NOXRED1: variants seen among roughly 807,000 people sequenced by gnomAD.
NOXRED1 encodes NADP-dependent oxidoreductase domain-containing protein 1.
Under a neutral mutation model 30.4 loss-of-function variants are expected in NOXRED1, and 20 were observed. That is an observed-to-expected ratio of 0.66 (90% CI 0.46 to 0.96). The LOEUF is 0.96. Among genes scored for constraint, NOXRED1 ranks in the 40% least tolerant of loss-of-function variants. The probability of loss-of-function intolerance (pLI) is 0.00; values close to 1 mark genes in which losing one functional copy is unlikely to be tolerated. For missense variants in NOXRED1, 374 were observed against 428.0 expected, an observed-to-expected ratio of 0.87 and a Z score of 1.11; for synonymous variants, 155 against 168.0, an observed-to-expected ratio of 0.92 and a Z score of 0.60.
intron 2 of NOXRED1, 47 bp downstream of exon 2, chr14:77,413,887 C>G (rs1894731234): frequency 7.1e-7 from 1 of 1,402,256 alleles, no homozygotes. Flanking sequence ...TTGTTGACAC[C>G]TACACAGCAC....
chr14:77,411,761 T>A (rs182076699), intron 2 of NOXRED1, among the ~76,000 whole-genome samples: 1 of 152,222 alleles, frequency 6.6e-6, no homozygotes, highest in Non-Finnish European at 1.5e-5. Context: ...AACATCAAAT[T>A]GTACTCTTTT....
chr14:77,407,371 A>T (rs1402533637), intron 3 of NOXRED1, 94 bp downstream of exon 3: 2 of 879,870 alleles, frequency 2.3e-6, no homozygotes, highest in African/African-American at 3.3e-5. Context: ...AACCAACTCT[A>T]AGAGATAGGG....
Position 77,422,849 on chromosome 14 carries a change from T to C in NOXRED1, c.41A>G (p.Tyr14Cys), listed in dbSNP as rs1895036155. 1 of 1,613,862 alleles carries C rather than the reference T, an allele frequency of 6.2e-7. No homozygotes were observed. Among genetic ancestry groups the C allele is most frequent in the Non-Finnish European group, 8.5e-7 (1 of 1,179,840 alleles). ...LQDLESLQFEYGVPEEDRIWL... is the reference protein window; with the variant it reads ...LQDLESLQFECGVPEEDRIWL... ...GATACGATCTTCCTCTGGAACCCCA[T>C]ACTCAAACTGCAGGGACTCAAGGTC... Residue 14 changes from tyrosine (Y) to cysteine (C), a missense_variant, in exon 1 of 6, where the codon TAT becomes TGT. Tyr to Cys is a radical substitution (Grantham distance 194). Transcript: ENST00000380835.
At chr14:77,406,399 C>T (rs1246459558) in intron 4 of NOXRED1, 5 of 593,488 alleles carry the variant, frequency 8.4e-6, no homozygotes, top group South Asian at 4.1e-5. Context: ...CTGGAATAGT[C>T]GTTGCTAATA....
chr14:77,396,949 G>A (rs1894204477), intron 5 of NOXRED1, among the ~76,000 whole-genome samples: 1 of 152,192 alleles, frequency 6.6e-6, no homozygotes, highest in African/African-American at 2.4e-5. Context: ...TACATTGCTA[G>A]TGATAATATA....
At chr14:77,407,089 C>T (rs1261182649) in intron 3 of NOXRED1, among the ~76,000 whole-genome samples, 1 of 152,198 alleles carries the variant, frequency 6.6e-6, no homozygotes, top group Non-Finnish European at 1.5e-5. Context: ...AGGCACTGGG[C>T]TAGAAACTAA....
chr14:77,404,807 G>A (rs1031915739), intron 5 of NOXRED1, among the ~76,000 whole-genome samples: 1 of 151,938 alleles, frequency 6.6e-6, no homozygotes, highest in Non-Finnish European at 1.5e-5. Context: ...CAATAATTAA[G>A]GAAGAAAAAG....
chr14:77,413,960 A>C lies in NOXRED1; in HGVS notation c.323T>G (p.Ile108Ser). The C allele has an allele frequency of 6.3e-7, 1 of 1,598,226 alleles. No individual in the cohort carries two copies. Among genetic ancestry groups the C allele is most frequent in the Non-Finnish European group, 8.6e-7 (1 of 1,169,122 alleles). Residue 108 changes from isoleucine to serine, a missense_variant, in exon 2 of 6, where the codon ATC (isoleucine) becomes AGC (serine). By Grantham distance (142) the Ile-to-Ser change is moderately radical (BLOSUM62 -2). Coordinates refer to ENST00000380835, the MANE Select transcript of NOXRED1 (RefSeq NM_001113475.3). ...LGPIPAESLR[I>S]STRRPETLGE... ...CAGAGTCTCTGGCCTCCGAGTGGAG[A>C]TCCGCAGGCTTTCAGCAGGGATGGG...
chr14:77,394,511 G>GTCT lies in NOXRED1; in HGVS notation c.*117_*119dup. 1 of 661,556 alleles carries GTCT rather than the reference G, an allele frequency of 1.5e-6. No homozygotes were observed. The highest frequency in any genetic ancestry group is 3.1e-4 in the Middle Eastern group (1 of 3,242). 41.0% of individuals were successfully genotyped at this position (661,556 alleles called of 1,614,324 possible). On this transcript the variant is annotated 3_prime_UTR_variant, in exon 6 of 6. Transcript: ENST00000380835. ...TCAGTACAGTTTTATAATTCCTGAT[G>GTCT]TCTATCATGTGGCAAACACAATACA...
intron 2 of NOXRED1, among the ~76,000 whole-genome samples, chr14:77,408,377 G>A (rs1017435419): frequency 5.3e-5 from 8 of 151,822 alleles, no homozygotes; most frequent in African/African-American, 1.7e-4. Context: ...TTTATTTTGT[G>A]TAGAGACAAG....
At chr14:77,399,020 T>A (rs115596274) in intron 5 of NOXRED1, among the ~76,000 whole-genome samples, 2,959 of 152,006 alleles carry the variant, frequency 0.019, 89 homozygotes, top group African/African-American at 0.067. Context: ...ACCTGGTACA[T>A]CATGTCTGAC....
At chr14:77,397,646 G>A (rs1459618775) in intron 5 of NOXRED1, among the ~76,000 whole-genome samples, 2 of 152,088 alleles carry the variant, frequency 1.3e-5, no homozygotes, top group Admixed American at 6.6e-5. Flanking sequence ...CAGCACTTTG[G>A]GAGGCCAAGG....
At chr14:77,402,347 C>T (rs996339029) in intron 5 of NOXRED1, among the ~76,000 whole-genome samples, 8 of 152,176 alleles carry the variant, frequency 5.3e-5, no homozygotes, top group Non-Finnish European at 1.2e-4. Context: ...CAATAGGAGC[C>T]GGGCGCCATG....
chr14:77,405,063 G>A (rs1268353312), intron 5 of NOXRED1, among the ~76,000 whole-genome samples: 1 of 152,130 alleles, frequency 6.6e-6, no homozygotes. Flanking sequence ...TTTCACATAT[G>A]CCACCGAAAT....
chr14:77,412,776 G>T (rs1189421993), intron 2 of NOXRED1, among the ~76,000 whole-genome samples: 6 of 152,054 alleles, frequency 3.9e-5, no homozygotes, highest in Admixed American at 2.6e-4. Flanking sequence ...GCCTCCCAAA[G>T]TACTGGGATT....
chr14:77,396,222 T>C (rs1193439876), intron 5 of NOXRED1, among the ~76,000 whole-genome samples: 2 of 151,856 alleles, frequency 1.3e-5, no homozygotes, highest in African/African-American at 4.8e-5. Context: ...ATGACATTAT[T>C]ATCTATGTAG....
At chr14:77,413,392 T>C (rs1156514412) in intron 2 of NOXRED1, among the ~76,000 whole-genome samples, 1 of 151,870 alleles carries the variant, frequency 6.6e-6, no homozygotes, top group Non-Finnish European at 1.5e-5. Context: ...GCACGCACCA[T>C]CATGCCCAGC....
At chr14:77,406,586 G>C (rs1270921628) in intron 4 of NOXRED1, 138 bp downstream of exon 4, 12 of 867,832 alleles carry the variant, frequency 1.4e-5, no homozygotes, top group Non-Finnish European at 2.3e-5. Flanking sequence ...AGTACCTTGT[G>C]CCTTACACAC....
chr14:77,406,162 C>T, intron 4 of NOXRED1, 27 bp from the exon 5 acceptor site: 2 of 1,509,762 alleles, frequency 1.3e-6, no homozygotes, highest in Non-Finnish European at 1.8e-6. Flanking sequence ...AGGTAAATAC[C>T]AGTTAGCACC....
Sources: allele counts gnomAD v4.1 joint callset (sites outside exome capture counted in the v4.1 genomes callset), GRCh38; gene constraint gnomAD v4.1.1; transcripts MANE v1.5; gene names NCBI Gene and HGNC (gene_info 2026-07-23, HGNC 2026-07-21).